TTC39B: variants seen among roughly 807,000 people sequenced by gnomAD.
The protein encoded by TTC39B is tetratricopeptide repeat domain 39B.
A neutral mutation model predicts 96.6 loss-of-function variants in TTC39B; 92 were observed. The ratio of observed to expected loss-of-function variants is 0.95; its 90% CI spans 0.80 to 1.13. The LOEUF (loss-of-function observed/expected upper bound fraction) is 1.13, where lower values mean the gene tolerates loss of function less well. TTC39B is among the 50% of genes most tolerant of loss of function. TTC39B has a pLI of 0.00. For missense variants in TTC39B, 955 were observed against 809.3 expected, an observed-to-expected ratio of 1.18 and a Z score of -2.18; for synonymous variants, 367 against 299.4, an observed-to-expected ratio of 1.23 and a Z score of -2.33.
At chr9:15,267,970 A>G (rs1476172023) in intron 1 of TTC39B, 22 bp from the exon 2 acceptor site, 1 of 1,607,226 alleles carries the variant, frequency 6.2e-7, no homozygotes, top group Non-Finnish European at 8.5e-7. Flanking sequence ...AAAAAATACA[A>G]TGAGTTTCTC....
chr9:15,229,419 A>G (rs972323431), intron 2 of TTC39B, among the ~76,000 whole-genome samples: 1 of 152,130 alleles, frequency 6.6e-6, no homozygotes, highest in East Asian at 1.9e-4. Flanking sequence ...TAAAACCTAT[A>G]CTCTGTAAAA....
chr9:15,307,199 C>T lies in TTC39B; in HGVS notation c.125G>A (p.Ser42Asn), dbSNP rs146201898. The T allele has an allele frequency of 1.9e-6, 3 of 1,568,646 alleles. No individual in the cohort carries two copies. The highest frequency in any genetic ancestry group is 2.6e-6 in the Non-Finnish European group (3 of 1,155,606). ...GCCGACTCCTGCTCTCGGCTCTGGGCTCAGCCCAGCGCAAAGGAGGGCAAA... is the reference window on the plus strand; with the variant it reads ...GCCGACTCCTGCTCTCGGCTCTGGGTTCAGCCCAGCGCAAAGGAGGGCAAA... The change falls in exon 1 of 20, where the codon AGC becomes AAC. Residue 42 changes from serine to asparagine, a missense_variant. Ser to Asn is a conservative substitution (Grantham distance 46, BLOSUM62 1). Coordinates refer to ENST00000512701, the Ensembl canonical transcript of TTC39B.
At chr9:15,287,693 A>G (rs1394734638) in intron 1 of TTC39B, among the ~76,000 whole-genome samples, 1 of 152,192 alleles carries the variant, frequency 6.6e-6, no homozygotes, top group African/African-American at 2.4e-5. Flanking sequence ...TTAGGGAAAA[A>G]AAAATGATTC....
exon 20 of TTC39B, chr9:15,164,729 ACAGT>A (rs1366623695): frequency 8.9e-6 from 1 of 112,202 alleles, no homozygotes; most frequent in African/African-American, 3.2e-5. Context: ...TTGGATGTTA[ACAGT>A]CAGCAAAAGA....
chr9:15,167,024 ATATATTTTTTTTTT>A (rs1817541212), exon 20 of TTC39B: 1 of 11,624 alleles, frequency 8.6e-5, no homozygotes, highest in Non-Finnish European at 1.4e-4. Flanking sequence ...ATATATATAT[ATATATTTTTTTTTT>A]TTTTTTTTTT....
chr9:15,190,407 G>A (rs928906430), intron 11 of TTC39B, 147 bp downstream of exon 11: 25 of 607,276 alleles, frequency 4.1e-5, no homozygotes, highest in Admixed American at 2.7e-4. Flanking sequence ...GTGCAGTGAC[G>A]TGATCATAGC....
At chr9:15,167,038 T>A (rs1467792883) in exon 20 of TTC39B, 101 of 33,418 alleles carry the variant, frequency 3.0e-3, no homozygotes, top group Non-Finnish European at 5.0e-3. Context: ...ATTTTTTTTT[T>A]TTTTTTTTTT....
chr9:15,203,862 G>A (rs777367366), exon 7 of TTC39B: 13 of 1,612,558 alleles, frequency 8.1e-6, no homozygotes, highest in African/African-American at 2.7e-5. Flanking sequence ...GGAGACACTC[G>A]GCATAACAGA....
intron 8 of TTC39B, among the ~76,000 whole-genome samples, chr9:15,195,579 A>G (rs1056718906): frequency 1.3e-5 from 2 of 150,078 alleles, no homozygotes; most frequent in African/African-American, 2.5e-5. Flanking sequence ...CTGAGGCAGG[A>G]GAATCACTTG....
intron 2 of TTC39B, among the ~76,000 whole-genome samples, chr9:15,254,872 C>CTT (rs34040951): frequency 7.0e-6 from 1 of 142,046 alleles, no homozygotes; most frequent in Admixed American, 7.1e-5. Flanking sequence ...AACACACACA[C>CTT]TTTTTTTTTT....
intron 2 of TTC39B, among the ~76,000 whole-genome samples, chr9:15,260,679 G>T (rs958792080): frequency 1.3e-5 from 2 of 152,070 alleles, no homozygotes; most frequent in African/African-American, 4.8e-5. Flanking sequence ...TTTATGGTTC[G>T]AAAGAGAAGG....
chr9:15,258,630 C>A (rs1409472321), intron 2 of TTC39B, among the ~76,000 whole-genome samples: 1 of 152,194 alleles, frequency 6.6e-6, no homozygotes, highest in Non-Finnish European at 1.5e-5. Flanking sequence ...CTTTCAGACA[C>A]AAGCTGAGCA....
chr9:15,192,602 C>T (rs1167988422), exon 9 of TTC39B: 1 of 1,613,482 alleles, frequency 6.2e-7, no homozygotes, highest in Non-Finnish European at 8.5e-7. Flanking sequence ...AATTAAAGGC[C>T]CCACTGCCAA....
chr9:15,172,771 A>G (rs2118418308), intron 19 of TTC39B, among the ~76,000 whole-genome samples: 1 of 152,256 alleles, frequency 6.6e-6, no homozygotes, highest in African/African-American at 2.4e-5. Flanking sequence ...GCCTTGGCCC[A>G]TGGGTGAGCT....
rs531715569 is a variant in TTC39B, at chr9:15,198,862, C to T, written c.824+999G>A. ...TTAAAGTAAAAGAATATATCCCATG[C>T]AAAGACTAATTATAAAAAGCATGAG... On this transcript the variant is annotated intron_variant, in intron 8 of 19. Coordinates refer to ENST00000512701, the Ensembl canonical transcript of TTC39B. Among the ~76,000 whole-genome samples the T allele has an allele frequency of 9.9e-5, 15 of 152,110 alleles. No individual in the cohort carries two copies. In the East Asian group the frequency reaches 2.7e-3, roughly 27 times the overall value.
At chr9:15,280,865 C>A (rs1234255920) in intron 1 of TTC39B, among the ~76,000 whole-genome samples, 1 of 152,208 alleles carries the variant, frequency 6.6e-6, no homozygotes, top group Non-Finnish European at 1.5e-5. Flanking sequence ...TCTCTCAGGG[C>A]TCCCCCTACC....
chr9:15,176,405 T>C (rs1289552527), intron 18 of TTC39B, among the ~76,000 whole-genome samples: 1 of 152,204 alleles, frequency 6.6e-6, no homozygotes, highest in Admixed American at 6.5e-5. Flanking sequence ...AGAATATTAC[T>C]AAAGACAGTA....
intron 8 of TTC39B, among the ~76,000 whole-genome samples, chr9:15,193,684 C>T (rs945777671): frequency 1.3e-5 from 2 of 152,170 alleles, no homozygotes; most frequent in African/African-American, 4.8e-5. Flanking sequence ...TCAGCTCAAT[C>T]AATTTCTTCT....
At chr9:15,250,543 G>A (rs1206965996) in intron 2 of TTC39B, among the ~76,000 whole-genome samples, 2 of 152,072 alleles carry the variant, frequency 1.3e-5, no homozygotes, top group Non-Finnish European at 2.9e-5. Flanking sequence ...TTTCCCCTAA[G>A]TTTTTAGATT....
Sources: gnomAD v4.1 joint callset for allele counts (sites outside exome capture counted in the v4.1 genomes callset) on GRCh38, gnomAD v4.1.1 for gene constraint, MANE v1.5 for transcripts, NCBI Gene and HGNC (gene_info 2026-07-23, HGNC 2026-07-21) for gene names.